Variants in AKAP12 observed in about 807,000 individuals in gnomAD.
AKAP12 encodes the protein A-kinase anchoring protein 12.
In AKAP12, 32 loss-of-function variants were observed where a neutral mutation model predicts 79.9. The observed-to-expected ratio is 0.40, with a 90% CI of 0.30 to 0.54. The LOEUF (loss-of-function observed/expected upper bound fraction) is 0.54. AKAP12 is among the 20% of genes least tolerant of loss of function. The pLI is 0.48. For synonymous variants in AKAP12, 808 were observed against 857.0 expected (o/e 0.94, Z 1.00); for missense variants, 2,074 against 2,177.0 (o/e 0.95, Z 0.94).
chr6:151,256,135 A>G (rs7742224), intron 2 of AKAP12, among the ~76,000 whole-genome samples: 90,386 of 151,974 alleles, frequency 0.59, 28,471 homozygotes, highest in African/African-American at 0.81. Flanking sequence ...AGAAAGAACC[A>G]CTGAATAATG....
intron 4 of AKAP12, among the ~76,000 whole-genome samples, chr6:151,354,159 AAAAC>A (rs912222435): frequency 2.6e-5 from 4 of 152,024 alleles, no homozygotes; most frequent in African/African-American, 4.8e-5. Context: ...TCAAAAAAAA[AAAAC>A]AAACAAAAAA....
At chr6:151,326,701 C>G (rs972093918) in intron 3 of AKAP12, among the ~76,000 whole-genome samples, 2 of 152,076 alleles carry the variant, frequency 1.3e-5, no homozygotes, top group Admixed American at 1.3e-4. Flanking sequence ...CGTATTTTCT[C>G]TTCCTGTCAT....
intron 2 of AKAP12, among the ~76,000 whole-genome samples, chr6:151,251,451 G>T (rs1797172873): frequency 6.6e-6 from 1 of 152,222 alleles, no homozygotes; most frequent in African/African-American, 2.4e-5. Context: ...TGACATCTCA[G>T]ATATCAGTGG....
chr6:151,323,841 A>G, intron 3 of AKAP12: 1 of 985,420 alleles, frequency 1.0e-6, no homozygotes, highest in Non-Finnish European at 1.2e-6. Flanking sequence ...GTGGCACCAG[A>G]TGATAGCCTT....
chr6:151,338,152 G>A (rs968611988), intron 3 of AKAP12, among the ~76,000 whole-genome samples: 24 of 152,276 alleles, frequency 1.6e-4, no homozygotes, highest in Non-Finnish European at 2.8e-4. Flanking sequence ...CCACAGTACA[G>A]TTATTGACAG....
At chr6:151,310,554 C>G (rs1777071910) in intron 3 of AKAP12, among the ~76,000 whole-genome samples, 1 of 152,052 alleles carries the variant, frequency 6.6e-6, no homozygotes, top group African/African-American at 2.4e-5. Context: ...GTGGCGAAAC[C>G]CTGTCTCTAT....
chr6:151,256,795 G>A (rs9322310), intron 2 of AKAP12, among the ~76,000 whole-genome samples: 89,768 of 151,194 alleles, frequency 0.59, 28,229 homozygotes, highest in African/African-American at 0.81. Context: ...AACTACAGGC[G>A]TGTGCCACCA....
intron 2 of AKAP12, among the ~76,000 whole-genome samples, chr6:151,275,643 G>A (rs1776277858): frequency 6.6e-6 from 1 of 152,118 alleles, no homozygotes; most frequent in Admixed American, 6.6e-5. Flanking sequence ...ATTGATTTAG[G>A]AATTTGGATG....
intron 3 of AKAP12, chr6:151,344,112 G>A: frequency 4.7e-6 from 1 of 213,240 alleles, no homozygotes; most frequent in Middle Eastern, 4.8e-4. Context: ...AAGAGAAAAG[G>A]GAAATCCTTT....
intron 3 of AKAP12, among the ~76,000 whole-genome samples, chr6:151,312,809 A>AAAAAAAAAAG (rs1248913264): frequency 6.6e-6 from 1 of 151,346 alleles, no homozygotes; most frequent in African/African-American, 2.4e-5. Context: ...AAAAAAAAAA[A>AAAAAAAAAAG]AAGAATCATG....
At chr6:151,345,672 CA>C (rs1778074253) in intron 3 of AKAP12, among the ~76,000 whole-genome samples, 1 of 151,102 alleles carries the variant, frequency 6.6e-6, no homozygotes, top group Non-Finnish European at 1.5e-5. Flanking sequence ...TGACACATGC[CA>C]CTAGTCCCAG....
chr6:151,253,811 A>G (rs1024065940), intron 2 of AKAP12, among the ~76,000 whole-genome samples: 3 of 151,920 alleles, frequency 2.0e-5, no homozygotes, highest in African/African-American at 7.3e-5. Context: ...GGTTCAAACA[A>G]TTCTCTTGCC....
chr6:151,297,196 A>G (rs2499897), intron 2 of AKAP12, among the ~76,000 whole-genome samples: 137,301 of 151,700 alleles, frequency 0.91, 62,602 homozygotes, highest in East Asian at 1. Context: ...CTCTGGGTGT[A>G]TGTGTATGTG....
Position 151,353,720 on chromosome 6 carries a change from T to C in AKAP12, c.5329T>C (p.Ser1777Pro). 3.8e-6 allele frequency: 6 copies of C among 1,593,834 alleles called. No individual in the cohort carries two copies. The highest frequency in any genetic ancestry group is 5.1e-6 in the Non-Finnish European group (6 of 1,171,814). ...LQKQERESAK[S>P]ELTES ...GAAACAAGAGAGAGAATCTGCAAAG[T>C]CAGAACTTACAGAATCTTAAAACAT... Residue 1777 changes from serine (S) to proline (P), a missense_variant, in exon 4 of 5, where the codon TCA (serine) becomes CCA (proline). By Grantham distance (74) the Ser-to-Pro change is moderately conservative. Coordinates refer to ENST00000402676, the MANE Select transcript of AKAP12 (RefSeq NM_005100.4).
At chr6:151,283,833 G>T (rs970744963) in intron 2 of AKAP12, among the ~76,000 whole-genome samples, 1 of 152,086 alleles carries the variant, frequency 6.6e-6, no homozygotes, top group Admixed American at 6.6e-5. Context: ...TTCTTTTTCC[G>T]TTGGCAAGTC....
chr6:151,255,397 G>A (rs1342134399), intron 2 of AKAP12, among the ~76,000 whole-genome samples: 1 of 152,040 alleles, frequency 6.6e-6, no homozygotes, highest in Non-Finnish European at 1.5e-5. Context: ...CTGACATCAG[G>A]TGATCCACCT....
intron 2 of AKAP12, among the ~76,000 whole-genome samples, chr6:151,254,591 T>G (rs968163666): frequency 2.0e-5 from 3 of 152,164 alleles, no homozygotes; most frequent in Admixed American, 6.6e-5. Context: ...TCCACCCACC[T>G]CGGCCTTCCA....
chr6:151,322,472 C>A (rs1402995008), intron 3 of AKAP12, among the ~76,000 whole-genome samples: 1 of 152,232 alleles, frequency 6.6e-6, no homozygotes, highest in East Asian at 1.9e-4. Context: ...AAGCCCCCAA[C>A]TCCCGGACCT....
In AKAP12 at chr6:151,349,555, G is replaced by C. The variant is rs35341741; in HGVS notation, c.1164G>C (p.Ser388=). The C allele has an allele frequency of 6.8e-6, 11 of 1,611,010 alleles. No homozygotes were observed. The African/African-American group carries it at 8.1e-5, about 12-fold the overall frequency. Residue 388 remains serine, a synonymous_variant, in exon 4 of 5, where the codon TCG becomes TCC. Transcript: ENST00000402676. ...CCTCAGAGGAGCAAGTCAGTGGCTCGCAGGGACCTTCTGAAGAGAAACCTG... is the reference window on the plus strand; with the variant it reads ...CCTCAGAGGAGCAAGTCAGTGGCTCCCAGGGACCTTCTGAAGAGAAACCTG... ...ELPSEEQVSG[S]QGPSEEKPAP...
Sources: allele counts gnomAD v4.1 joint callset (sites outside exome capture counted in the v4.1 genomes callset), GRCh38; gene constraint gnomAD v4.1.1; transcripts MANE v1.5; gene names NCBI Gene and HGNC (gene_info 2026-07-23, HGNC 2026-07-21).